Variants in COG5 observed in about 807,000 individuals in gnomAD.
The protein encoded by COG5 is component of oligomeric golgi complex 5.
Under a neutral mutation model 110.4 loss-of-function variants are expected in COG5, and 86 were observed. That is an observed-to-expected ratio of 0.78 (90% CI 0.65 to 0.93). The LOEUF (loss-of-function observed/expected upper bound fraction) is 0.93. Among genes scored for constraint, COG5 ranks in the 40% least tolerant of loss-of-function variants. COG5 has a pLI of 0.00. For missense variants in COG5, 1,077 were observed against 987.0 expected, an observed-to-expected ratio of 1.09 and a Z score of -1.22; for synonymous variants, 360 against 334.6, an observed-to-expected ratio of 1.08 and a Z score of -0.83.
At chr7:107,395,541 C>CTTTTTT (rs67581814) in intron 7 of COG5, among the ~76,000 whole-genome samples, 7 of 50,038 alleles carry the variant, frequency 1.4e-4, no homozygotes, top group East Asian at 6.9e-4. Flanking sequence ...TGAAGCAGAT[C>CTTTTTT]TTTTTTTTTT....
At chr7:107,369,221 G>C (rs1031971120) in intron 8 of COG5, among the ~76,000 whole-genome samples, 5 of 152,094 alleles carry the variant, frequency 3.3e-5, no homozygotes, top group Non-Finnish European at 5.9e-5. Context: ...ATTGGTATCA[G>C]GCTGTATGTA....
chr7:107,288,954 ATATATATATT>A (rs1805920485), intron 12 of COG5, among the ~76,000 whole-genome samples: 3 of 96,440 alleles, frequency 3.1e-5, no homozygotes, highest in East Asian at 3.1e-4. Context: ...ATATATATAT[ATATATATATT>A]TAAAAATTTA....
intron 10 of COG5, among the ~76,000 whole-genome samples, chr7:107,348,034 G>C (rs1465488488): frequency 6.8e-6 from 1 of 146,748 alleles, no homozygotes; most frequent in East Asian, 2.1e-4. Context: ...GCTGAGGCAG[G>C]AGAATCGCTT....
At chr7:107,333,572 T>C (rs1225342920) in intron 10 of COG5, among the ~76,000 whole-genome samples, 1 of 152,168 alleles carries the variant, frequency 6.6e-6, no homozygotes, top group Non-Finnish European at 1.5e-5. Flanking sequence ...CAGTCAAAGA[T>C]AGTGAAAAGT....
At chr7:107,233,284 G>A (rs939414192) in intron 18 of COG5, among the ~76,000 whole-genome samples, 1 of 152,184 alleles carries the variant, frequency 6.6e-6, no homozygotes, top group Non-Finnish European at 1.5e-5. Context: ...CCCCAGTGTC[G>A]TGGACAGGCT....
intron 10 of COG5, among the ~76,000 whole-genome samples, chr7:107,330,374 C>T (rs566568474): frequency 7.3e-4 from 111 of 152,226 alleles, no homozygotes; most frequent in African/African-American, 2.6e-3. Flanking sequence ...AATGTCAGAA[C>T]TTTTTAAAGA....
intron 6 of COG5, among the ~76,000 whole-genome samples, chr7:107,497,703 A>C (rs78362967): frequency 6.6e-6 from 1 of 152,306 alleles, no homozygotes; most frequent in African/African-American, 2.4e-5. Flanking sequence ...ATACTGTTAA[A>C]ATTTCCCTAC....
chr7:107,303,226 T>C (rs1447156655), intron 11 of COG5, among the ~76,000 whole-genome samples: 1 of 152,026 alleles, frequency 6.6e-6, no homozygotes, highest in Non-Finnish European at 1.5e-5. Flanking sequence ...AATATGTTTT[T>C]TCTTTTTAGG....
chr7:107,531,695 T>A (rs1263604508), intron 5 of COG5, among the ~76,000 whole-genome samples: 4 of 151,222 alleles, frequency 2.6e-5, no homozygotes. Context: ...GATATCATTA[T>A]GAAATTGATT....
rs556346543 is a variant in COG5 at position 107,408,306 on chromosome 7, C to T, written c.669+4196G>A. The stretch of plus-strand genomic sequence containing the variant: ...CTAAACTATTTACTATCTGTCTCTT[C>T]GCAAAAAGTGTGCTGGTCCTTAGAT... On this transcript the variant is annotated intron_variant, in intron 7 of 21. Coordinates refer to ENST00000297135, the MANE Select transcript of COG5 (RefSeq NM_006348.5). 3.7e-4 allele frequency among the ~76,000 whole-genome samples: 56 copies of T among 152,288 alleles called. No individual in the cohort carries two copies. The Middle Eastern group carries it at 0.014, about 37-fold the overall frequency.
intron 1 of COG5, among the ~76,000 whole-genome samples, chr7:107,561,966 A>C (rs1310698208): frequency 6.6e-6 from 1 of 150,998 alleles, no homozygotes; most frequent in African/African-American, 2.4e-5. Context: ...ACAGCGCGAG[A>C]CTCCGTCTCA....
chr7:107,244,706 G>A (rs1056379465), intron 17 of COG5, among the ~76,000 whole-genome samples: 1 of 152,042 alleles, frequency 6.6e-6, no homozygotes, highest in Non-Finnish European at 1.5e-5. Flanking sequence ...TAGAAGAGAT[G>A]GACACATTCC....
At chr7:107,413,629 T>A (rs1436983962) in intron 6 of COG5, among the ~76,000 whole-genome samples, 1 of 152,006 alleles carries the variant, frequency 6.6e-6, no homozygotes, top group East Asian at 1.9e-4. Context: ...GATACTAAAT[T>A]TCCCCTCCCA....
intron 6 of COG5, among the ~76,000 whole-genome samples, chr7:107,461,664 T>C (rs947376956): frequency 2.6e-5 from 4 of 152,080 alleles, no homozygotes; most frequent in East Asian, 1.9e-4. Flanking sequence ...AAGGAAATCG[T>C]AAGGAATCAA....
chr7:107,324,020 T>C (rs1584678168), intron 11 of COG5, among the ~76,000 whole-genome samples: 2 of 152,316 alleles, frequency 1.3e-5, no homozygotes, highest in South Asian at 4.1e-4. Context: ...CACCTGTTTA[T>C]TCATTAAATC....
intron 6 of COG5, among the ~76,000 whole-genome samples, chr7:107,504,330 G>A (rs1240280477): frequency 1.3e-5 from 2 of 152,054 alleles, no homozygotes; most frequent in African/African-American, 2.4e-5. Flanking sequence ...AATCATCCCT[G>A]CATCCCTGAA....
In COG5 at chr7:107,432,764, G is replaced by A. The variant is rs373729826; in HGVS notation, c.539-20132C>T. On this transcript the variant is annotated intron_variant, in intron 6 of 21. Coordinates refer to ENST00000297135, the MANE Select transcript of COG5 (RefSeq NM_006348.5). The stretch of plus-strand genomic sequence containing the variant: ...AAAGTCCAGGGATGCATCCATTTTC[G>A]CAAAAAAAATTCTACAAAAAATTTT... Among the ~76,000 whole-genome samples the A allele has an allele frequency of 4.0e-5, 6 of 151,650 alleles. No individual in the cohort carries two copies. In the South Asian group the frequency reaches 1.0e-3, roughly 26 times the overall value.
At chr7:107,362,213 G>T in intron 9 of COG5, 95 bp downstream of exon 9, 1 of 1,327,150 alleles carries the variant, frequency 7.5e-7, no homozygotes, top group Non-Finnish European at 1.1e-6. Context: ...TATTTTGAAT[G>T]CTCATTGATT....
chr7:107,529,024 T>TAAAAAAAAAAAAAAAAAAAAAAA (rs58281094), intron 5 of COG5, among the ~76,000 whole-genome samples: 5 of 97,830 alleles, frequency 5.1e-5, no homozygotes, highest in Admixed American at 1.0e-4. Flanking sequence ...AATACTTAAA[T>TAAAAAAAAAAAAAAAAAAAAAAA]AAAAAAAAAA....
Sources: gnomAD v4.1 joint callset for allele counts (sites outside exome capture counted in the v4.1 genomes callset) on GRCh38, gnomAD v4.1.1 for gene constraint, MANE v1.5 for transcripts, NCBI Gene and HGNC (gene_info 2026-07-23, HGNC 2026-07-21) for gene names.